The following PLSCR4 variants were observed in gnomAD, a reference collection of about 807,000 sequenced individuals.
The protein encoded by PLSCR4 is phospholipid scramblase 4.
A neutral mutation model predicts 36.3 loss-of-function variants in PLSCR4; 25 were observed. The observed-to-expected ratio is 0.69, with a 90% CI of 0.50 to 0.96. The LOEUF (loss-of-function observed/expected upper bound fraction) is 0.96. PLSCR4 is among the 40% of genes least tolerant of loss of function. The pLI is 0.00. For missense variants in PLSCR4, 408 were observed against 414.7 expected (o/e 0.98, Z 0.14); for synonymous variants, 122 against 132.9 (o/e 0.92, Z 0.56).
chr3:146,197,200 A>G (rs1430464129), intron 6 of PLSCR4, among the ~76,000 whole-genome samples: 4 of 152,198 alleles, frequency 2.6e-5, no homozygotes, highest in South Asian at 2.1e-4. Flanking sequence ...TGGCACAGAG[A>G]TAAGTTGGCT....
chr3:146,203,454 G>C (rs774520650), intron 4 of PLSCR4, among the ~76,000 whole-genome samples: 6 of 151,976 alleles, frequency 3.9e-5, no homozygotes, highest in Non-Finnish European at 5.9e-5. Flanking sequence ...GAAAGTCCTA[G>C]AAGGCATCTT....
chr3:146,229,119 T>G (rs1435322304), intron 1 of PLSCR4, among the ~76,000 whole-genome samples: 1 of 152,218 alleles, frequency 6.6e-6, no homozygotes, highest in African/African-American at 2.4e-5. Flanking sequence ...AATAGAGAAT[T>G]ATTCTGGTCT....
chr3:146,198,230 G>T (rs115421102), intron 6 of PLSCR4, among the ~76,000 whole-genome samples: 1 of 152,040 alleles, frequency 6.6e-6, no homozygotes, highest in African/African-American at 2.4e-5. Context: ...GGTGATGATG[G>T]AACTGTTTGG....
In PLSCR4 at chr3:146,237,646, CA is replaced by C. The variant is rs370810153; in HGVS notation, c.-22+13313del. Among the ~76,000 whole-genome samples, 57 of 151,728 alleles carry C rather than the reference CA, an allele frequency of 3.8e-4. 5 individuals are homozygous for C. The South Asian group carries it at 8.9e-3, about 24-fold the overall frequency. On this transcript the variant is annotated intron_variant, in intron 1 of 8. Transcript: ENST00000354952. ...ATAAGCAATGGGTTGGCAAAAAAAT[CA>C]CAATGAAAATTCACAATGAAAAGAC...
At chr3:146,200,272 T>C (rs1231766008) in intron 5 of PLSCR4, among the ~76,000 whole-genome samples, 1 of 152,056 alleles carries the variant, frequency 6.6e-6, no homozygotes, top group Non-Finnish European at 1.5e-5. Context: ...TAAAAAAATT[T>C]TACATAAAAG....
At chr3:146,225,875 C>T (rs1295341381) in intron 1 of PLSCR4, among the ~76,000 whole-genome samples, 1 of 152,180 alleles carries the variant, frequency 6.6e-6, no homozygotes, top group Non-Finnish European at 1.5e-5. Context: ...GGGGCTCCCA[C>T]AGTGCAGTGG....
At chr3:146,204,450 T>G (rs2034212143) in intron 4 of PLSCR4, among the ~76,000 whole-genome samples, 1 of 151,958 alleles carries the variant, frequency 6.6e-6, no homozygotes, top group South Asian at 2.1e-4. Context: ...TCTGGTAAGG[T>G]AGGTATTGAT....
In PLSCR4 at chr3:146,195,150, T is replaced by A; in HGVS notation, c.919A>T (p.Met307Leu). The A allele has an allele frequency of 6.2e-7, 1 of 1,613,924 alleles. No individual in the cohort carries two copies. The highest frequency in any genetic ancestry group is 8.5e-7 in the Non-Finnish European group (1 of 1,179,870). The change falls in exon 8 of 9, where the codon ATG becomes TTG. Residue 307 changes from methionine to leucine, a missense_variant. Transcript: ENST00000354952. ...ATGAGGAAGCAAGCTCCAAAAATCA[T>A]GGCTTTCATCTTCACATCCAGGTCT... ...PLDLDVKMKA[M>L]IFGACFLIDF...
At chr3:146,232,203 TCTGTTTTTGTA>T (rs1355049012) in intron 1 of PLSCR4, among the ~76,000 whole-genome samples, 2 of 152,134 alleles carry the variant, frequency 1.3e-5, no homozygotes, top group African/African-American at 4.8e-5. Context: ...GTTCCATATG[TCTGTTTTTGTA>T]CTAGAACCAT....
intron 1 of PLSCR4, among the ~76,000 whole-genome samples, chr3:146,230,135 T>C (rs78381407): frequency 0.016 from 2,449 of 151,820 alleles, 74 homozygotes; most frequent in African/African-American, 0.056. Flanking sequence ...GCCTGTGGAG[T>C]TGCAAATTCT....
intron 5 of PLSCR4, among the ~76,000 whole-genome samples, chr3:146,200,732 C>CT (rs369752263): frequency 1.3e-5 from 2 of 151,894 alleles, no homozygotes; most frequent in South Asian, 4.1e-4. Context: ...CTCTTGGCTC[C>CT]TTTTTTTACT....
At chr3:146,244,757 A>G (rs1026257024) in intron 1 of PLSCR4, among the ~76,000 whole-genome samples, 1 of 152,124 alleles carries the variant, frequency 6.6e-6, no homozygotes, top group African/African-American at 2.4e-5. Context: ...AAATGCCTCT[A>G]AATATTCAAG....
chr3:146,199,747 G>A, intron 6 of PLSCR4, 66 bp downstream of exon 6: 4 of 1,269,956 alleles, frequency 3.1e-6, no homozygotes, highest in Non-Finnish European at 3.4e-6. Flanking sequence ...TGTAGTGGAA[G>A]GAGCACACTA....
chr3:146,247,969 C>CT (rs563830643), intron 1 of PLSCR4, among the ~76,000 whole-genome samples: 189 of 152,240 alleles, frequency 1.2e-3, no homozygotes, highest in African/African-American at 4.3e-3. Flanking sequence ...AGATGTTTTT[C>CT]TTTTTAAGGA....
intron 1 of PLSCR4, among the ~76,000 whole-genome samples, chr3:146,226,373 G>A (rs2035478929): frequency 6.6e-6 from 1 of 152,162 alleles, no homozygotes; most frequent in Non-Finnish European, 1.5e-5. Context: ...TATATGTTAA[G>A]TTCTTGGGAT....
At chr3:146,246,158 T>C (rs73865384) in intron 1 of PLSCR4, among the ~76,000 whole-genome samples, 1,679 of 152,192 alleles carry the variant, frequency 0.011, 34 homozygotes, top group African/African-American at 0.038. Context: ...GCAGCAGGAA[T>C]GTCCCATAGA....
intron 1 of PLSCR4, among the ~76,000 whole-genome samples, chr3:146,248,519 T>C (rs1398249445): frequency 7.8e-6 from 1 of 127,796 alleles, no homozygotes; most frequent in Non-Finnish European, 1.7e-5. Context: ...GTGTTTCAAC[T>C]TGTTGTTTCA....
chr3:146,206,465 T>C, intron 4 of PLSCR4, 61 bp downstream of exon 4: 1 of 1,264,842 alleles, frequency 7.9e-7, no homozygotes. Context: ...TTTTTTTCTC[T>C]CTTTGTTGGA....
intron 4 of PLSCR4, among the ~76,000 whole-genome samples, chr3:146,204,720 C>T (rs1320291961): frequency 1.3e-5 from 2 of 151,842 alleles, no homozygotes; most frequent in Non-Finnish European, 2.9e-5. Context: ...ATAAACAAAG[C>T]TATACAATTT....
Sources: gnomAD v4.1 joint callset for allele counts (sites outside exome capture counted in the v4.1 genomes callset) on GRCh38, gnomAD v4.1.1 for gene constraint, MANE v1.5 for transcripts, NCBI Gene and HGNC (gene_info 2026-07-23, HGNC 2026-07-21) for gene names.